Variants in FRAS1 observed in about 807,000 individuals in gnomAD.
The protein encoded by FRAS1 is extracellular matrix organizing protein FRAS1.
A neutral mutation model predicts 435.2 loss-of-function variants in FRAS1; 290 were observed. The ratio of observed to expected loss-of-function variants is 0.67; its 90% CI spans 0.61 to 0.73. FRAS1 has a LOEUF of 0.73. Among genes scored for constraint, FRAS1 ranks in the 30% least tolerant of loss-of-function variants. FRAS1 has a pLI of 0.00. For synonymous variants in FRAS1, 1,800 were observed against 1,851.0 expected (o/e 0.97, Z 0.71); for missense variants, 4,860 against 5,001.5 (o/e 0.97, Z 0.85).
chr4:78,529,952 A>G (rs1364829955), intron 70 of FRAS1, among the ~76,000 whole-genome samples: 1 of 152,210 alleles, frequency 6.6e-6, no homozygotes, highest in East Asian at 1.9e-4. Context: ...TGAGGGGGGA[A>G]CCACTGTATA....
chr4:78,296,291 C>G (rs950802585), intron 14 of FRAS1, among the ~76,000 whole-genome samples: 13 of 151,700 alleles, frequency 8.6e-5, no homozygotes, highest in Non-Finnish European at 1.3e-4. Context: ...CAAGCACTTA[C>G]GAGTTTTCAG....
intron 2 of FRAS1, among the ~76,000 whole-genome samples, chr4:78,132,620 G>C (rs1489121160): frequency 6.6e-6 from 1 of 152,186 alleles, no homozygotes; most frequent in Non-Finnish European, 1.5e-5. Context: ...TGGTTGTTCA[G>C]GAGACAGGAG....
intron 15 of FRAS1, among the ~76,000 whole-genome samples, chr4:78,312,293 C>G (rs192590225): frequency 4.6e-4 from 70 of 151,198 alleles, no homozygotes; most frequent in Non-Finnish European, 5.7e-4. Flanking sequence ...CCTTATTTCT[C>G]TTTATTGTAT....
rs369033015 is a variant in FRAS1, at chr4:78,065,936, T to C, written c.77-49T>C. On this transcript the variant is annotated intron_variant, in intron 1 of 73. Coordinates refer to ENST00000512123, the MANE Select transcript of FRAS1 (RefSeq NM_025074.7). ...AGCAAGCTTGCTGGGGCAGTGCCTA[T>C]TGGTTTATTATGCATCCCTTTTAAT... The C allele has an allele frequency of 2.5e-4, 356 of 1,446,518 alleles. 1 individual carries two copies. The highest frequency in any genetic ancestry group is 3.2e-4 in the Non-Finnish European group (328 of 1,033,536). The allele number at this position is 1,446,518 out of a possible 1,614,324, so 89.6% of individuals were successfully genotyped here.
intron 2 of FRAS1, among the ~76,000 whole-genome samples, chr4:78,131,213 C>G (rs988271055): frequency 7.9e-5 from 12 of 152,004 alleles, no homozygotes; most frequent in African/African-American, 2.7e-4. Flanking sequence ...TGTATATATG[C>G]ACATATATGT....
intron 58 of FRAS1, 128 bp downstream of exon 58, chr4:78,482,663 C>A (rs906429467): frequency 2.2e-5 from 22 of 983,406 alleles, no homozygotes; most frequent in Non-Finnish European, 2.9e-5. Flanking sequence ...GATGTGTATA[C>A]GTGAGCATTT....
intron 2 of FRAS1, 68 bp downstream of exon 2, chr4:78,066,084 T>A: frequency 9.6e-7 from 1 of 1,039,624 alleles, no homozygotes; most frequent in Non-Finnish European, 1.5e-6. Flanking sequence ...AGTTCCTGAG[T>A]GAGTGAGTTG....
intron 71 of FRAS1, 106 bp downstream of exon 71, chr4:78,534,721 C>A: frequency 1.9e-6 from 2 of 1,028,508 alleles, no homozygotes; most frequent in Non-Finnish European, 2.9e-6. Context: ...AGTCACCACC[C>A]CAGTAAAGAT....
At chr4:78,068,802 C>T (rs1346753714) in intron 2 of FRAS1, 1 of 346,776 alleles carries the variant, frequency 2.9e-6, no homozygotes, top group Non-Finnish European at 5.6e-6. Context: ...TTTGTAACCA[C>T]TTTAAGTTCT....
intron 2 of FRAS1, among the ~76,000 whole-genome samples, chr4:78,118,981 A>T (rs552955753): frequency 2.7e-5 from 4 of 150,820 alleles, no homozygotes; most frequent in Non-Finnish European, 5.9e-5. Context: ...TTTATTTTTT[A>T]TATTGTGTAT....
chr4:78,288,305 G>C (rs1249267993), intron 14 of FRAS1, among the ~76,000 whole-genome samples: 1 of 152,140 alleles, frequency 6.6e-6, no homozygotes, highest in African/African-American at 2.4e-5. Flanking sequence ...GAGATCTCCT[G>C]CTAGTGCTCG....
chr4:78,425,100 G>GATAATAATAATA (rs35385181), intron 35 of FRAS1, among the ~76,000 whole-genome samples: 5 of 141,918 alleles, frequency 3.5e-5, no homozygotes, highest in African/African-American at 1.3e-4. Context: ...CTTAAATGGG[G>GATAATAATAATA]ATAATAATAA....
intron 2 of FRAS1, among the ~76,000 whole-genome samples, chr4:78,120,553 G>A (rs548256471): frequency 3.6e-4 from 55 of 152,252 alleles, no homozygotes; most frequent in African/African-American, 1.1e-3. Context: ...CTCCATTGGC[G>A]TCTAGACCAG....
At chr4:78,116,192 A>G (rs2109952108) in intron 2 of FRAS1, among the ~76,000 whole-genome samples, 1 of 152,294 alleles carries the variant, frequency 6.6e-6, no homozygotes, top group East Asian at 1.9e-4. Context: ...GTGGTCTGAG[A>G]GACAGTTTGT....
At chr4:78,153,266 A>G (rs956784290) in intron 2 of FRAS1, among the ~76,000 whole-genome samples, 2 of 151,980 alleles carry the variant, frequency 1.3e-5, no homozygotes, top group African/African-American at 2.4e-5. Flanking sequence ...CTACCAGACT[A>G]TGAGCTCTAT....
chr4:78,261,115 G>A (rs1331765363), intron 6 of FRAS1, among the ~76,000 whole-genome samples: 1 of 151,158 alleles, frequency 6.6e-6, no homozygotes, highest in African/African-American at 2.4e-5. Context: ...CCTCTGCATG[G>A]CGAGATTTTC....
At chr4:78,091,978 CAAAAAAAAAA>C (rs34804542) in intron 2 of FRAS1, among the ~76,000 whole-genome samples, 5 of 83,706 alleles carry the variant, frequency 6.0e-5, no homozygotes, top group African/African-American at 2.6e-4. Flanking sequence ...GAGACTGTCT[CAAAAAAAAAA>C]AAAAAAAAAA....
intron 2 of FRAS1, among the ~76,000 whole-genome samples, chr4:78,115,948 C>G (rs1743137648): frequency 6.6e-6 from 1 of 152,138 alleles, no homozygotes; most frequent in African/African-American, 2.4e-5. Context: ...ATCTTTCCTG[C>G]TTTCTCTTGT....
In FRAS1 at chr4:78,120,921, A is replaced by G. The variant is rs188792769; in HGVS notation, c.108+54905A>G. On this transcript the variant is annotated intron_variant, in intron 2 of 73. Coordinates refer to ENST00000512123, the MANE Select transcript of FRAS1 (RefSeq NM_025074.7). The stretch of plus-strand genomic sequence containing the variant: ...TTACAGTAGTTCTGGCATTGGCTTG[A>G]TGGCTTTGCTACTTCGTGGGAAATT... 3.5e-4 allele frequency among the ~76,000 whole-genome samples: 53 copies of G among 152,296 alleles called. 1 individual carries two copies. The East Asian group carries it at 9.1e-3, about 26-fold the overall frequency.
Sources: gnomAD v4.1 joint callset for allele counts (sites outside exome capture counted in the v4.1 genomes callset) on GRCh38, gnomAD v4.1.1 for gene constraint, MANE v1.5 for transcripts, NCBI Gene and HGNC (gene_info 2026-07-23, HGNC 2026-07-21) for gene names.